CTNNA2: variants seen among roughly 807,000 people sequenced by gnomAD.
CTNNA2 encodes catenin alpha-2.
Under a neutral mutation model 101.0 loss-of-function variants are expected in CTNNA2, and 42 were observed. That is an observed-to-expected ratio of 0.42 (90% CI 0.32 to 0.54). The LOEUF is 0.54. CTNNA2 is among the 20% of genes least tolerant of loss of function. The pLI, the probability that CTNNA2 is intolerant of heterozygous loss-of-function variation, is 0.14. For synonymous variants in CTNNA2, 450 were observed against 456.4 expected, an observed-to-expected ratio of 0.99 and a Z score of 0.18; for missense variants, 871 against 1,223.1, an observed-to-expected ratio of 0.71 and a Z score of 4.29.
intron 9 of CTNNA2, among the ~76,000 whole-genome samples, chr2:80,523,773 A>T (rs1269428047): frequency 6.6e-6 from 1 of 152,196 alleles, no homozygotes; most frequent in East Asian, 1.9e-4. Flanking sequence ...TGAAAAGTTG[A>T]TAATGGGGAA....
chr2:79,867,901 A>T (rs1032825833), intron 4 of CTNNA2, among the ~76,000 whole-genome samples: 1 of 152,196 alleles, frequency 6.6e-6, no homozygotes, highest in Non-Finnish European at 1.5e-5. Flanking sequence ...GCTGCCAAGA[A>T]CTGTCCTTTC....
chr2:79,302,853 T>C (rs1347205189), intron 2 of CTNNA2, among the ~76,000 whole-genome samples: 1 of 152,222 alleles, frequency 6.6e-6, no homozygotes, highest in Non-Finnish European at 1.5e-5. Context: ...GGACCTCTGT[T>C]AACAGATTTA....
chr2:80,178,588 A>T (rs1378434654), intron 7 of CTNNA2, among the ~76,000 whole-genome samples: 1 of 152,174 alleles, frequency 6.6e-6, no homozygotes, highest in African/African-American at 2.4e-5. Flanking sequence ...CTTGCACAGC[A>T]GTGTGGACCT....
At chr2:80,306,331 G>A (rs574340439) in intron 7 of CTNNA2, among the ~76,000 whole-genome samples, 3 of 152,142 alleles carry the variant, frequency 2.0e-5, no homozygotes, top group African/African-American at 7.2e-5. Flanking sequence ...GTTTATCCAA[G>A]GTCATACAGC....
At chr2:79,462,121 T>C (rs960507362) in intron 4 of CTNNA2, among the ~76,000 whole-genome samples, 1 of 152,252 alleles carries the variant, frequency 6.6e-6, no homozygotes, top group Admixed American at 6.5e-5. Flanking sequence ...TTTTCTGTAA[T>C]GAAAATAAAG....
intron 6 of CTNNA2, among the ~76,000 whole-genome samples, chr2:79,884,716 A>G (rs1223384686): frequency 7.3e-6 from 1 of 137,856 alleles, no homozygotes; most frequent in African/African-American, 2.7e-5. Context: ...ACCTTCTTAC[A>G]TTTTCTTCCC....
intron 3 of CTNNA2, among the ~76,000 whole-genome samples, chr2:79,799,446 T>C (rs1306356172): frequency 6.6e-6 from 1 of 152,200 alleles, no homozygotes; most frequent in Non-Finnish European, 1.5e-5. Context: ...GCAAAAACTC[T>C]CATTGCCTTC....
chr2:80,626,786 A>G (rs1034140468), intron 18 of CTNNA2, among the ~76,000 whole-genome samples: 4 of 152,072 alleles, frequency 2.6e-5, no homozygotes, highest in African/African-American at 9.7e-5. Flanking sequence ...ACATAGGTAT[A>G]CATATGCCAT....
upstream of CTNNA2, among the ~76,000 whole-genome samples, chr2:79,511,538 AC>A (rs892056558): frequency 6.6e-6 from 1 of 152,130 alleles, no homozygotes; most frequent in Non-Finnish European, 1.5e-5. Context: ...TGGTCCTGAA[AC>A]ATGGTTGCGT....
intron 7 of CTNNA2, among the ~76,000 whole-genome samples, chr2:79,936,990 T>C (rs976131770): frequency 6.6e-6 from 1 of 152,202 alleles, no homozygotes; most frequent in African/African-American, 2.4e-5. Flanking sequence ...GTAGTTTCCA[T>C]TGTTTTGTGA....
intron 2 of CTNNA2, among the ~76,000 whole-genome samples, chr2:79,238,893 T>C (rs1674589333): frequency 6.6e-6 from 1 of 152,176 alleles, no homozygotes; most frequent in South Asian, 2.1e-4. Context: ...GGTCAAATAA[T>C]GTGGGTAGAA....
chr2:79,194,320 G>A (rs1404409272), intron 1 of CTNNA2, among the ~76,000 whole-genome samples: 1 of 152,156 alleles, frequency 6.6e-6, no homozygotes, highest in Non-Finnish European at 1.5e-5. Context: ...GCAAGAAGGT[G>A]CATCTACCAA....
chr2:79,581,064 G>A lies in CTNNA2; in HGVS notation c.-6+67857G>A, dbSNP rs144772941. 6.0e-3 allele frequency among the ~76,000 whole-genome samples: 918 copies of A among 152,226 alleles called. 10 individuals are homozygous for A. Among genetic ancestry groups the A allele is most frequent in the African/African-American group, 0.021 (867 of 41,514 alleles). On this transcript the variant is annotated intron_variant, in intron 1 of 18. Coordinates refer to ENST00000402739, the MANE Select transcript of CTNNA2 (RefSeq NM_001282597.3). ...CAAAATGCTATTAGGATTCCCTTAC[G>A]TTATTGCCAAGATGAATGTATCATG... is the stretch of plus-strand genomic sequence containing the variant.
chr2:79,680,027 T>A (rs1683452019), intron 2 of CTNNA2, among the ~76,000 whole-genome samples: 1 of 152,116 alleles, frequency 6.6e-6, no homozygotes, highest in Non-Finnish European at 1.5e-5. Context: ...GAAAGGGGGA[T>A]GAGCAGCAAG....
chr2:80,456,315 C>G (rs1419266239), intron 9 of CTNNA2, among the ~76,000 whole-genome samples: 3 of 152,176 alleles, frequency 2.0e-5, no homozygotes, highest in African/African-American at 7.2e-5. Context: ...CATTGGTATC[C>G]CCTGCACTTT....
intron 2 of CTNNA2, among the ~76,000 whole-genome samples, chr2:79,309,316 A>G (rs1046545233): frequency 6.6e-6 from 1 of 152,198 alleles, no homozygotes; most frequent in Admixed American, 6.5e-5. Context: ...GATTTTTAAT[A>G]TTAAATCCTC....
At chr2:79,675,382 G>A (rs1188693791) in intron 2 of CTNNA2, among the ~76,000 whole-genome samples, 6 of 152,108 alleles carry the variant, frequency 3.9e-5, no homozygotes, top group Non-Finnish European at 8.8e-5. Flanking sequence ...GGTAAAGAGG[G>A]TAGAGAAGGC....
At chr2:79,380,570 T>G (rs1297805915) in intron 4 of CTNNA2, among the ~76,000 whole-genome samples, 1 of 152,184 alleles carries the variant, frequency 6.6e-6, no homozygotes, top group African/African-American at 2.4e-5. Flanking sequence ...TTTCAAGCTT[T>G]GATTACCCTT....
intron 7 of CTNNA2, among the ~76,000 whole-genome samples, chr2:80,093,806 T>C (rs1699954718): frequency 6.6e-6 from 1 of 152,238 alleles, no homozygotes; most frequent in South Asian, 2.1e-4. Flanking sequence ...ATGTCTTCTT[T>C]TGAGAAGTGT....
Sources: allele counts gnomAD v4.1 joint callset (sites outside exome capture counted in the v4.1 genomes callset), GRCh38; gene constraint gnomAD v4.1.1; transcripts MANE v1.5; gene names NCBI Gene and HGNC (gene_info 2026-07-23, HGNC 2026-07-21).